The following GRXCR2 variants were observed in gnomAD, a reference collection of about 807,000 sequenced individuals.
The protein encoded by GRXCR2 is glutaredoxin and cysteine rich domain containing 2.
Under a neutral mutation model 24.8 loss-of-function variants are expected in GRXCR2, and 23 were observed. The ratio of observed to expected loss-of-function variants is 0.93; its 90% confidence interval spans 0.67 to 1.32. The LOEUF (loss-of-function observed/expected upper bound fraction) is 1.32. Ranked by LOEUF, GRXCR2 falls within the 40% of genes most tolerant of loss-of-function variation. The pLI is 0.00. For missense variants in GRXCR2, 315 were observed against 303.4 expected, an observed-to-expected ratio of 1.04 and a Z score of -0.28; for synonymous variants, 130 against 116.1, an observed-to-expected ratio of 1.12 and a Z score of -0.77.
chr5:145,858,971 C>G lies in GRXCR2; in HGVS notation c.*762G>C, dbSNP rs994961964. 2 of 152,150 alleles carry G rather than the reference C, an allele frequency of 1.3e-5. No homozygotes were observed. The highest frequency in any genetic ancestry group is 2.9e-5 in the Non-Finnish European group (2 of 68,024). 9.4% of individuals were successfully genotyped at this position (152,150 alleles called of 1,614,324 possible). On this transcript the variant is annotated 3_prime_UTR_variant, in exon 3 of 3. Coordinates refer to ENST00000377976, the MANE Select transcript of GRXCR2 (RefSeq NM_001080516.2). ...TGGATTTATTTATTTGGTAGTAATT[C>G]AGGGGCTCGAAGAAGTTATATCATA... is the stretch of plus-strand genomic sequence containing the variant.
intron 2 of GRXCR2, among the ~76,000 whole-genome samples, chr5:145,923,036 A>C (rs1757347175): frequency 6.6e-6 from 1 of 152,216 alleles, no homozygotes; most frequent in East Asian, 1.9e-4. Context: ...TGCCACCCGG[A>C]AACTAGTTGA....
intron 2 of GRXCR2, among the ~76,000 whole-genome samples, chr5:145,904,536 G>T (rs1463019407): frequency 6.6e-6 from 1 of 152,164 alleles, no homozygotes; most frequent in East Asian, 1.9e-4. Flanking sequence ...GGAGCCACCA[G>T]TTTTATTTGT....
At chr5:145,921,775 G>A (rs1757323773) in intron 2 of GRXCR2, among the ~76,000 whole-genome samples, 1 of 152,122 alleles carries the variant, frequency 6.6e-6, no homozygotes, top group Non-Finnish European at 1.5e-5. Context: ...AGCTGTGTAT[G>A]ACATGTCATG....
intron 2 of GRXCR2, among the ~76,000 whole-genome samples, chr5:145,913,498 A>G (rs1561689885): frequency 1.3e-5 from 2 of 152,140 alleles, no homozygotes; most frequent in East Asian, 1.9e-4. Context: ...GTATTTTAAT[A>G]CCCCAAATTA....
chr5:145,913,970 C>T (rs2149926427), intron 2 of GRXCR2, among the ~76,000 whole-genome samples: 1 of 152,306 alleles, frequency 6.6e-6, no homozygotes, highest in South Asian at 2.1e-4. Context: ...TAGAATCATG[C>T]TGCAGACCAA....
At chr5:145,887,298 G>A (rs1756791691) in intron 2 of GRXCR2, among the ~76,000 whole-genome samples, 1 of 152,092 alleles carries the variant, frequency 6.6e-6, no homozygotes, top group South Asian at 2.1e-4. Context: ...GTGTCTCCCT[G>A]TTGTCCAGGT....
At chr5:145,912,907 C>A (rs1757186362) in intron 2 of GRXCR2, among the ~76,000 whole-genome samples, 1 of 152,176 alleles carries the variant, frequency 6.6e-6, no homozygotes, top group Admixed American at 6.5e-5. Flanking sequence ...ATCCACAGTG[C>A]AATGGAAATC....
At chr5:145,926,658 G>C (rs1408769138) in intron 2 of GRXCR2, among the ~76,000 whole-genome samples, 1 of 152,168 alleles carries the variant, frequency 6.6e-6, no homozygotes, top group Non-Finnish European at 1.5e-5. Context: ...AAGTCAGGTA[G>C]TGTGATGCCT....
intron 1 of GRXCR2, among the ~76,000 whole-genome samples, chr5:145,867,520 T>G (rs553516190): frequency 6.8e-4 from 104 of 152,364 alleles, no homozygotes; most frequent in African/African-American, 2.3e-3. Flanking sequence ...TAATAGCTTT[T>G]GTTCTCTTGC....
rs168146 is a variant in GRXCR2, at chr5:145,872,427, A to G, written c.336+206T>C. 7.4e-3 allele frequency among the ~76,000 whole-genome samples: 1,134 copies of G among 152,314 alleles called. 16 individuals carry two copies. The highest frequency in any genetic ancestry group is 0.026 in the African/African-American group (1,067 of 41,580). On this transcript the variant is annotated intron_variant, in intron 1 of 2. Coordinates refer to ENST00000377976, the MANE Select transcript of GRXCR2 (RefSeq NM_001080516.2). ...TGGAATTTGAATACTATATATGCTC[A>G]TTGCACTTTCCAATTAGTAGTCAAC...
Position 145,859,817 on chromosome 5 carries a change from G to C in GRXCR2, c.663C>G (p.Asn221Lys), listed in dbSNP as rs576525485. The C allele has an allele frequency of 4.6e-5, 74 of 1,614,090 alleles. No individual in the cohort carries two copies. The Admixed American group carries it at 1.0e-3, about 22-fold the overall frequency. The stretch of plus-strand genomic sequence containing the variant: ...GGGCCCGATAGGACTCCTTAAATCT[G>C]TTGGCCAGCATCGAGAACTTGCTGC... ...CHGSKFSMLA[N>K]RFKESYRALR... Residue 221 changes from asparagine (N) to lysine (K), a missense_variant, in exon 3 of 3, where the codon AAC (asparagine) becomes AAG (lysine). By Grantham distance (94) the Asn-to-Lys change is moderately conservative (BLOSUM62 0). Transcript: ENST00000377976.
chr5:145,885,104 T>TGC, intron 2 of GRXCR2, among the ~76,000 whole-genome samples: 1 of 151,198 alleles, frequency 6.6e-6, no homozygotes, highest in South Asian at 2.1e-4. Flanking sequence ...TGTCTGTGTG[T>TGC]GTGTGTGTGT....
At chr5:145,898,250 C>T (rs1756976290) in intron 2 of GRXCR2, among the ~76,000 whole-genome samples, 1 of 151,378 alleles carries the variant, frequency 6.6e-6, no homozygotes, top group Admixed American at 6.6e-5. Flanking sequence ...CACACAATCT[C>T]CCAAGATTGA....
intron 2 of GRXCR2, among the ~76,000 whole-genome samples, chr5:145,900,976 G>A (rs565106123): frequency 6.6e-6 from 1 of 152,076 alleles, no homozygotes; most frequent in Non-Finnish European, 1.5e-5. Context: ...AAGAACCAAA[G>A]CATGTCCTTT....
intron 2 of GRXCR2, among the ~76,000 whole-genome samples, chr5:145,880,206 A>G (rs567426456): frequency 6.6e-6 from 1 of 152,324 alleles, no homozygotes; most frequent in East Asian, 1.9e-4. Flanking sequence ...AGCAGAACTG[A>G]GAGAGATAGA....
chr5:145,859,925 A>G lies in GRXCR2; in HGVS notation c.565-10T>C, dbSNP rs779793231. The stretch of plus-strand genomic sequence containing the variant: ...CGGGAATATCCCCTTCCTGCAAGAG[A>G]CAGGTTAGGGTTTAGTTAAAGCAGC... On this transcript the variant is annotated splice_polypyrimidine_tract_variant and intron_variant, in intron 2 of 2. Transcript: ENST00000377976. 22 of 1,558,726 alleles carry G rather than the reference A, an allele frequency of 1.4e-5. No homozygotes were observed. The Admixed American group carries it at 2.8e-4, about 20-fold the overall frequency.
intron 2 of GRXCR2, among the ~76,000 whole-genome samples, chr5:145,860,199 T>G (rs528499872): frequency 6.6e-6 from 1 of 152,304 alleles, no homozygotes; most frequent in South Asian, 2.1e-4. Context: ...CTGACCTGTT[T>G]TTTCTGTAAG....
rs756569692 is a variant in GRXCR2, at chr5:145,872,753, C to T, written c.216G>A (p.Arg72=). ...TCAGCTTAGGGGAGCACATCTGGGG[C>T]CTGGGGACTTCCCCAGACCCATAAA... The part of the protein sequence containing the change: ...DGVYGSGEVP[R]PQMCSPKLTA... The change falls in exon 1 of 3, where the codon AGG becomes AGA. Residue 72 remains arginine (R), a synonymous_variant. Coordinates refer to ENST00000377976, the MANE Select transcript of GRXCR2 (RefSeq NM_001080516.2). 6.2e-7 allele frequency: 1 copy of T among 1,613,090 alleles called. No individual in the cohort carries two copies.
chr5:145,857,822 T>C (rs529778580), downstream of GRXCR2, among the ~76,000 whole-genome samples: 4 of 152,312 alleles, frequency 2.6e-5, no homozygotes, highest in South Asian at 6.2e-4. Flanking sequence ...ATGCTCCCTG[T>C]AATTATCCTA....
Sources: allele counts gnomAD v4.1 joint callset (sites outside exome capture counted in the v4.1 genomes callset), GRCh38; gene constraint gnomAD v4.1.1; transcripts MANE v1.5; gene names NCBI Gene and HGNC (gene_info 2026-07-23, HGNC 2026-07-21).